The following POLDIP3 variants were observed in gnomAD, a reference collection of about 807,000 sequenced individuals.
POLDIP3 encodes DNA polymerase delta interacting protein 3, also known as polymerase delta-interacting protein 3.
Under a neutral mutation model 45.1 loss-of-function variants are expected in POLDIP3, and 14 were observed. That is an observed-to-expected ratio of 0.31 (90% CI 0.20 to 0.49). The LOEUF (loss-of-function observed/expected upper bound fraction) is 0.49, where lower values mean the gene tolerates loss of function less well. Among genes scored for constraint, POLDIP3 ranks in the 20% least tolerant of loss-of-function variants. The pLI is 0.99. For missense variants in POLDIP3, 511 were observed against 538.8 expected (o/e 0.95, Z 0.51); for synonymous variants, 223 against 205.2 (o/e 1.09, Z -0.74).
chr22:42,606,136 T>C (rs555854483), intron 1 of POLDIP3, among the ~76,000 whole-genome samples: 1 of 151,556 alleles, frequency 6.6e-6, no homozygotes, highest in Non-Finnish European at 1.5e-5. Flanking sequence ...AGCAAGACTC[T>C]GTTTCAAAAA....
chr22:42,597,379 C>T (rs1163387731), intron 4 of POLDIP3, among the ~76,000 whole-genome samples: 3 of 152,162 alleles, frequency 2.0e-5, no homozygotes, highest in African/African-American at 7.2e-5. Context: ...GGTGAAGCAG[C>T]GTCATCCCCA....
intron 6 of POLDIP3, 45 bp downstream of exon 6, chr22:42,595,492 A>AG (rs764813731): frequency 1.9e-6 from 3 of 1,569,092 alleles, no homozygotes; most frequent in Non-Finnish European, 2.6e-6. Context: ...CCTTTGCCAC[A>AG]GAGGCAGTTT....
chr22:42,611,782 C>T (rs565981088), intron 1 of POLDIP3, among the ~76,000 whole-genome samples: 2 of 152,176 alleles, frequency 1.3e-5, no homozygotes, highest in East Asian at 3.9e-4. Context: ...GAGGCTGAGG[C>T]AGGAGAATCG....
In POLDIP3 at chr22:42,585,638, G is replaced by C. The variant is rs532667996; in HGVS notation, c.*153C>G. Reference sequence around the variant, plus strand: ...ACAGGGCAGAACACAACACAGAAAGGCGGGTCCCATCCAGTGAGGAAGCTC... The same window carrying C: ...ACAGGGCAGAACACAACACAGAAAGCCGGGTCCCATCCAGTGAGGAAGCTC... On this transcript the variant is annotated 3_prime_UTR_variant, in exon 9 of 9. Transcript: ENST00000252115. 1 of 831,098 alleles carries C rather than the reference G, an allele frequency of 1.2e-6. No homozygotes were observed. Among genetic ancestry groups the C allele is most frequent in the East Asian group, 2.5e-5 (1 of 40,490 alleles). The allele number at this position is 831,098 out of a possible 1,614,324, so 51.5% of individuals were successfully genotyped here.
In POLDIP3 at chr22:42,584,586, C is replaced by T. The variant is rs1569292580; in HGVS notation, c.*1205G>A. 3.7e-6 allele frequency: 1 copy of T among 270,130 alleles called. No individual in the cohort carries two copies. 16.7% of individuals were successfully genotyped at this position (270,130 alleles called of 1,614,324 possible). A position where few individuals can be genotyped will look rare whatever the true frequency, so the allele number is the denominator to read the frequency against. On this transcript the variant is annotated 3_prime_UTR_variant, in exon 9 of 9. Coordinates refer to ENST00000252115, the MANE Select transcript of POLDIP3 (RefSeq NM_032311.5). The stretch of plus-strand genomic sequence containing the variant: ...CAACCAGCAGGGGACCACTCAGTGA[C>T]AACACTGGCCTGGTCATTCAGGGAC...
intron 3 of POLDIP3, among the ~76,000 whole-genome samples, chr22:42,601,357 G>GAA (rs1220749076): frequency 2.3e-3 from 159 of 67,998 alleles, no homozygotes; most frequent in African/African-American, 8.4e-3. Context: ...CCAGAAAAAG[G>GAA]AAAAAAAAAC....
At position 42,592,089 on chromosome 22, in the gene POLDIP3, A is replaced by G; in HGVS notation, c.892-5T>C. On this transcript the variant is annotated splice_region_variant and splice_polypyrimidine_tract_variant and intron_variant, in intron 6 of 8. Coordinates refer to ENST00000252115, the MANE Select transcript of POLDIP3 (RefSeq NM_032311.5). ...CCCACACACACAGAAAAGCTCCTGC[A>G]CACAACAAGAGGGGTTGGGATTGGG... 6.2e-7 allele frequency: 1 copy of G among 1,614,230 alleles called. No individual in the cohort carries two copies. Among genetic ancestry groups the G allele is most frequent in the Non-Finnish European group, 8.5e-7 (1 of 1,180,020 alleles).
At chr22:42,609,898 G>A (rs1413609253) in intron 1 of POLDIP3, among the ~76,000 whole-genome samples, 5 of 152,142 alleles carry the variant, frequency 3.3e-5, no homozygotes, top group Non-Finnish European at 7.3e-5. Context: ...CCTGCTGGGC[G>A]AGGTGGCTCA....
chr22:42,609,542 A>G (rs1412507802), intron 1 of POLDIP3, among the ~76,000 whole-genome samples: 3 of 152,296 alleles, frequency 2.0e-5, no homozygotes, highest in Non-Finnish European at 1.5e-5. Flanking sequence ...GCTACAGCCC[A>G]TTCTGGACAG....
At chr22:42,589,398 A>G (rs899223483) in intron 7 of POLDIP3, among the ~76,000 whole-genome samples, 11 of 152,238 alleles carry the variant, frequency 7.2e-5, no homozygotes, top group African/African-American at 2.7e-4. Flanking sequence ...GAGAGATTTA[A>G]ATTTGACTGA....
intron 7 of POLDIP3, among the ~76,000 whole-genome samples, chr22:42,588,327 C>T (rs868069656): frequency 3.3e-5 from 5 of 151,584 alleles, no homozygotes; most frequent in Admixed American, 6.6e-5. Flanking sequence ...TGGTGGCGGG[C>T]GCCTGTAGTC....
At chr22:42,604,746 CTTG>C (rs977048474) in intron 1 of POLDIP3, among the ~76,000 whole-genome samples, 1 of 152,212 alleles carries the variant, frequency 6.6e-6, no homozygotes, top group Non-Finnish European at 1.5e-5. Context: ...GGACCTTCAT[CTTG>C]TTATCCCTCA....
At chr22:42,594,858 C>T (rs1471059743) in intron 6 of POLDIP3, among the ~76,000 whole-genome samples, 3 of 152,174 alleles carry the variant, frequency 2.0e-5, no homozygotes, top group Admixed American at 6.5e-5. Context: ...CTCCAAAGGA[C>T]ACAGGAAAAC....
chr22:42,599,820 A>C, intron 3 of POLDIP3, 27 bp from the exon 4 acceptor site: 1 of 1,536,814 alleles, frequency 6.5e-7, no homozygotes, highest in Non-Finnish European at 9.0e-7. Flanking sequence ...AAGAAATATA[A>C]GCAAATGTGG....
intron 1 of POLDIP3, among the ~76,000 whole-genome samples, chr22:42,607,426 C>G (rs1926808248): frequency 6.6e-6 from 1 of 152,258 alleles, no homozygotes; most frequent in South Asian, 2.1e-4. Flanking sequence ...GTTGCCCAGG[C>G]TGGAATGCAG....
chr22:42,606,003 G>C (rs543886377), intron 1 of POLDIP3, among the ~76,000 whole-genome samples: 37 of 152,252 alleles, frequency 2.4e-4, no homozygotes, highest in African/African-American at 8.9e-4. Flanking sequence ...TTAGCCAGAC[G>C]TGGTGGCACG....
chr22:42,589,506 AG>A (rs1380425983), intron 7 of POLDIP3, among the ~76,000 whole-genome samples: 2 of 152,148 alleles, frequency 1.3e-5, no homozygotes, highest in Non-Finnish European at 2.9e-5. Flanking sequence ...TGAAAGGAAC[AG>A]ACCAACAGTA....
intron 1 of POLDIP3, among the ~76,000 whole-genome samples, chr22:42,603,423 G>C (rs930147091): frequency 1.3e-5 from 2 of 152,054 alleles, no homozygotes; most frequent in African/African-American, 4.8e-5. Context: ...TTGCTTCCTA[G>C]ACCACGTGTC....
rs1489580900 is a variant in POLDIP3 at position 42,614,866 on chromosome 22, G to A, written c.-9C>T. ...AGGGAGATGTCCGCCATCTTGCTCCGCCGAGCAAGCCGAAAGCAGTCGAGA... is the reference window on the plus strand; with the variant it reads ...AGGGAGATGTCCGCCATCTTGCTCCACCGAGCAAGCCGAAAGCAGTCGAGA... On this transcript the variant is annotated 5_prime_UTR_variant, in exon 1 of 9. Transcript: ENST00000252115. The A allele has an allele frequency of 9.9e-6, 16 of 1,613,162 alleles. No individual in the cohort carries two copies. Among genetic ancestry groups the A allele is most frequent in the East Asian group, 4.5e-5 (2 of 44,856 alleles).
Sources: allele counts gnomAD v4.1 joint callset (sites outside exome capture counted in the v4.1 genomes callset), GRCh38; gene constraint gnomAD v4.1.1; transcripts MANE v1.5; gene names NCBI Gene and HGNC (gene_info 2026-07-23, HGNC 2026-07-21).